PDE10A: variants seen among roughly 807,000 people sequenced by gnomAD.
PDE10A encodes the protein phosphodiesterase 10A.
PDE10A carries 39 observed loss-of-function variants against 97.7 expected under a neutral mutation model. The ratio of observed to expected loss-of-function variants is 0.40; its 90% confidence interval spans 0.31 to 0.52. The LOEUF is 0.52. PDE10A is among the 20% of genes least tolerant of loss of function. The pLI is 0.56. For missense variants in PDE10A, 731 were observed against 1,047.8 expected, an observed-to-expected ratio of 0.70 and a Z score of 4.17; for synonymous variants, 371 against 376.8, an observed-to-expected ratio of 0.98 and a Z score of 0.18.
chr6:165,422,444 T>C (rs1293983958), intron 10 of PDE10A, among the ~76,000 whole-genome samples: 3,344 of 133,050 alleles, frequency 0.025, 416 homozygotes, highest in African/African-American at 0.089. Flanking sequence ...CATACACACA[T>C]ACGCATATAC....
intron 1 of PDE10A, among the ~76,000 whole-genome samples, chr6:165,958,734 AG>A (rs1784262225): frequency 7.3e-5 from 1 of 13,726 alleles, no homozygotes; most frequent in Non-Finnish European, 1.3e-4. Context: ...AAAGAAAGAA[AG>A]AAAGAAAGAA....
chr6:165,622,793 C>G (rs1182344009), intron 1 of PDE10A, among the ~76,000 whole-genome samples: 1 of 152,164 alleles, frequency 6.6e-6, no homozygotes, highest in African/African-American at 2.4e-5. Context: ...TGTGCTCTGC[C>G]TTTGACAGAG....
At chr6:165,409,164 CAAA>C (rs61455081) in intron 13 of PDE10A, among the ~76,000 whole-genome samples, 2,536 of 108,122 alleles carry the variant, frequency 0.023, 27 homozygotes, top group Non-Finnish European at 0.032. Flanking sequence ...GACTCCATCT[CAAA>C]AAAAAAAAAA....
At chr6:165,389,850 CA>C (rs1785559065) in intron 16 of PDE10A, among the ~76,000 whole-genome samples, 2 of 152,060 alleles carry the variant, frequency 1.3e-5, no homozygotes, top group Admixed American at 1.3e-4. Flanking sequence ...AATCATCCAG[CA>C]ATTAAATACT....
At chr6:165,795,689 C>G (rs1250814602) in intron 1 of PDE10A, among the ~76,000 whole-genome samples, 1 of 152,040 alleles carries the variant, frequency 6.6e-6, no homozygotes, top group Non-Finnish European at 1.5e-5. Flanking sequence ...GAGGTGGAGG[C>G]TGCAGTGAGC....
chr6:165,948,245 C>T (rs972142652), intron 1 of PDE10A: 1 of 152,122 alleles, frequency 6.6e-6, no homozygotes, highest in African/African-American at 2.4e-5. Context: ...GTTTTATTAT[C>T]AAGTGCAGGT....
chr6:165,675,529 C>T (rs970443349), intron 1 of PDE10A, among the ~76,000 whole-genome samples: 34 of 152,220 alleles, frequency 2.2e-4, no homozygotes, highest in African/African-American at 7.5e-4. Flanking sequence ...TTAAAATAGA[C>T]GTACAAATAC....
At chr6:165,682,819 A>G (rs1791012771) in intron 1 of PDE10A, among the ~76,000 whole-genome samples, 1 of 152,214 alleles carries the variant, frequency 6.6e-6, no homozygotes, top group African/African-American at 2.4e-5. Flanking sequence ...ATCATCACTG[A>G]CAAAGATCTA....
chr6:165,841,234 G>T (rs930554722), intron 1 of PDE10A, among the ~76,000 whole-genome samples: 1 of 152,170 alleles, frequency 6.6e-6, no homozygotes, highest in African/African-American at 2.4e-5. Context: ...CATTGATTCA[G>T]GGCAGAGGTG....
intron 15 of PDE10A, among the ~76,000 whole-genome samples, chr6:165,393,713 A>G (rs1032152722): frequency 1.3e-5 from 2 of 152,192 alleles, no homozygotes; most frequent in Admixed American, 1.3e-4. Flanking sequence ...TCACAGATAG[A>G]AAATACACAG....
intron 1 of PDE10A, among the ~76,000 whole-genome samples, chr6:165,588,750 A>T (rs1418603439): frequency 2.0e-5 from 3 of 152,176 alleles, no homozygotes; most frequent in Non-Finnish European, 2.9e-5. Flanking sequence ...AGTGAAGAAA[A>T]CATGGGTTCT....
chr6:165,615,243 A>G (rs1787677450), intron 1 of PDE10A, among the ~76,000 whole-genome samples: 1 of 152,016 alleles, frequency 6.6e-6, no homozygotes. Context: ...AAAGAAAGAA[A>G]AGAAAAGAAA....
At chr6:165,599,045 A>G (rs1786778379) in intron 1 of PDE10A, among the ~76,000 whole-genome samples, 1 of 152,186 alleles carries the variant, frequency 6.6e-6, no homozygotes, top group African/African-American at 2.4e-5. Context: ...CTTAACTGTA[A>G]GCTAGACATT....
intron 1 of PDE10A, among the ~76,000 whole-genome samples, chr6:165,600,664 T>G (rs1248550328): frequency 6.6e-6 from 1 of 152,214 alleles, no homozygotes; most frequent in South Asian, 2.1e-4. Flanking sequence ...CTCAGTGATC[T>G]TCCCTACCGG....
intron 1 of PDE10A, among the ~76,000 whole-genome samples, chr6:165,614,801 TG>T (rs1271282565): frequency 6.6e-6 from 1 of 151,296 alleles, no homozygotes; most frequent in Non-Finnish European, 1.5e-5. Flanking sequence ...CTGACTCTCC[TG>T]ATCAAATAGA....
chr6:165,351,291 T>C (rs937025268), intron 18 of PDE10A, among the ~76,000 whole-genome samples: 1 of 152,054 alleles, frequency 6.6e-6, no homozygotes, highest in Admixed American at 6.5e-5. Flanking sequence ...GCTAATGACA[T>C]CATAGTAAAT....
chr6:165,861,729 G>C (rs12214746), intron 1 of PDE10A, among the ~76,000 whole-genome samples: 2 of 152,044 alleles, frequency 1.3e-5, no homozygotes, highest in Non-Finnish European at 2.9e-5. Flanking sequence ...CATGGGAGCC[G>C]AGGGGCTGCG....
At chr6:165,767,539 A>G (rs1777887844) in intron 1 of PDE10A, among the ~76,000 whole-genome samples, 3 of 152,224 alleles carry the variant, frequency 2.0e-5, no homozygotes, top group Non-Finnish European at 4.4e-5. Flanking sequence ...GAATCAAGCA[A>G]TGTGTGGACC....
intron 1 of PDE10A, among the ~76,000 whole-genome samples, chr6:165,777,449 C>G (rs551027123): frequency 1.3e-5 from 2 of 152,222 alleles, no homozygotes; most frequent in African/African-American, 2.4e-5. Flanking sequence ...CAACAAAAAC[C>G]CTGATGATTC....
Sources: gnomAD v4.1 joint callset for allele counts (sites outside exome capture counted in the v4.1 genomes callset) on GRCh38, gnomAD v4.1.1 for gene constraint, MANE v1.5 for transcripts, NCBI Gene and HGNC (gene_info 2026-07-23, HGNC 2026-07-21) for gene names.